Variants in CDH13 observed in about 807,000 individuals in gnomAD.
The protein encoded by CDH13 is cadherin 13.
In CDH13, 24 loss-of-function variants were observed where a neutral mutation model predicts 63.8. That is an observed-to-expected ratio of 0.38 (90% CI 0.27 to 0.53). The LOEUF is 0.53. Among genes scored for constraint, CDH13 ranks in the 20% least tolerant of loss-of-function variants. CDH13 has a pLI of 0.85. For synonymous variants in CDH13, 503 were observed against 355.3 expected (o/e 1.42, Z -4.67); for missense variants, 1,049 against 903.1 (o/e 1.16, Z -2.07).
intron 4 of CDH13, among the ~76,000 whole-genome samples, chr16:83,149,914 G>C (rs1049292222): frequency 6.6e-6 from 1 of 152,044 alleles, no homozygotes; most frequent in African/African-American, 2.4e-5. Context: ...CCAGAGAATT[G>C]GCTATTAAAC....
intron 13 of CDH13, among the ~76,000 whole-genome samples, chr16:83,792,248 A>G (rs1204847318): frequency 6.6e-6 from 1 of 152,242 alleles, no homozygotes; most frequent in Non-Finnish European, 1.5e-5. Flanking sequence ...ATGGACAATG[A>G]CAGTTGATCC....
intron 1 of CDH13, among the ~76,000 whole-genome samples, chr16:82,812,532 TGAGAA>T (rs1441006761): frequency 1.3e-5 from 2 of 151,596 alleles, no homozygotes; most frequent in African/African-American, 2.4e-5. Context: ...GGTGCTTCAG[TGAGAA>T]GAGAGGAGAG....
At chr16:83,463,817 A>C (rs2073240753) in intron 6 of CDH13, among the ~76,000 whole-genome samples, 1 of 152,132 alleles carries the variant, frequency 6.6e-6, no homozygotes, top group South Asian at 2.1e-4. Flanking sequence ...AAAAAAGCAA[A>C]GAAAGTGGCT....
intron 5 of CDH13, among the ~76,000 whole-genome samples, chr16:83,235,577 G>T (rs551277656): frequency 1.4e-5 from 1 of 69,316 alleles, no homozygotes; most frequent in African/African-American, 5.3e-5. Flanking sequence ...ATTCTATGTG[G>T]TGGTGTTTTT....
At chr16:83,226,691 G>A (rs918696984) in intron 5 of CDH13, among the ~76,000 whole-genome samples, 11 of 152,206 alleles carry the variant, frequency 7.2e-5, no homozygotes, top group Admixed American at 7.2e-4. Context: ...GACTGCAAGA[G>A]CCTTAGACCC....
chr16:83,790,630 C>T (rs1278061545), intron 13 of CDH13, among the ~76,000 whole-genome samples: 1 of 152,130 alleles, frequency 6.6e-6, no homozygotes. Flanking sequence ...GTCTCGATCT[C>T]CCGACCTCGT....
In CDH13 at chr16:82,920,642, G is replaced by A. The variant is rs990849467; in HGVS notation, c.157+62169G>A. Among the ~76,000 whole-genome samples, 83 of 152,258 alleles carry A rather than the reference G, an allele frequency of 5.5e-4. 1 individual carries two copies. Among genetic ancestry groups the A allele is most frequent in the African/African-American group, 1.8e-3 (76 of 41,564 alleles). On this transcript the variant is annotated intron_variant, in intron 2 of 13. Transcript: ENST00000567109. ...TGCAGGCCCCACTGTGGATGGTGCT[G>A]GTCAGAGACTATCAGGGGTATTAGG...
intron 1 of CDH13, among the ~76,000 whole-genome samples, chr16:82,751,919 C>A (rs933844630): frequency 2.0e-5 from 3 of 152,128 alleles, no homozygotes; most frequent in Non-Finnish European, 4.4e-5. Context: ...TGTAGGCCAG[C>A]CCCATACTTA....
chr16:83,436,770 G>A (rs901965980), intron 6 of CDH13, among the ~76,000 whole-genome samples: 2 of 152,210 alleles, frequency 1.3e-5, no homozygotes, highest in African/African-American at 4.8e-5. Flanking sequence ...GGGAGACCTT[G>A]CAGAGGTTTT....
intron 4 of CDH13, among the ~76,000 whole-genome samples, chr16:83,163,748 A>T (rs1001089324): frequency 6.6e-6 from 1 of 152,130 alleles, no homozygotes; most frequent in African/African-American, 2.4e-5. Context: ...GTCATATAGC[A>T]TAAAGCCGCC....
chr16:83,435,008 T>TAC (rs1025318658), intron 6 of CDH13, among the ~76,000 whole-genome samples: 9 of 148,170 alleles, frequency 6.1e-5, no homozygotes, highest in Non-Finnish European at 4.5e-5. Flanking sequence ...TGTATATATA[T>TAC]ACACACACAC....
intron 8 of CDH13, among the ~76,000 whole-genome samples, chr16:83,652,859 C>T (rs1242564944): frequency 6.6e-6 from 1 of 152,192 alleles, no homozygotes; most frequent in Non-Finnish European, 1.5e-5. Context: ...TGAACATTCA[C>T]AGCAGCATTA....
chr16:83,157,176 A>C (rs572245737), intron 4 of CDH13, among the ~76,000 whole-genome samples: 2 of 152,200 alleles, frequency 1.3e-5, no homozygotes, highest in Non-Finnish European at 2.9e-5. Flanking sequence ...TTCTTAGTTA[A>C]ATTACTTTTT....
chr16:82,867,721 G>A (rs531689598), intron 2 of CDH13, among the ~76,000 whole-genome samples: 2 of 152,262 alleles, frequency 1.3e-5, no homozygotes, highest in South Asian at 2.1e-4. Flanking sequence ...GCATGTGAGA[G>A]GTGTTTTGCA....
intron 2 of CDH13, among the ~76,000 whole-genome samples, chr16:82,860,756 G>A (rs2039912202): frequency 6.6e-6 from 1 of 152,146 alleles, no homozygotes; most frequent in African/African-American, 2.4e-5. Context: ...CCTAAATGAG[G>A]AAGAAAATTG....
At chr16:83,342,296 TC>T (rs1324541031) in intron 5 of CDH13, among the ~76,000 whole-genome samples, 1 of 152,216 alleles carries the variant, frequency 6.6e-6, no homozygotes, top group Non-Finnish European at 1.5e-5. Context: ...CTTGTTCATA[TC>T]TTTTTCTCTT....
intron 1 of CDH13, among the ~76,000 whole-genome samples, chr16:82,845,867 G>A (rs144915163): frequency 2.6e-5 from 4 of 152,172 alleles, no homozygotes; most frequent in African/African-American, 7.2e-5. Context: ...TCCCAGTGTA[G>A]TAACTTAAAT....
At chr16:82,995,970 G>A (rs116335908) in intron 2 of CDH13, among the ~76,000 whole-genome samples, 2,275 of 152,248 alleles carry the variant, frequency 0.015, 50 homozygotes, top group African/African-American at 0.049. Flanking sequence ...ACCATGCATC[G>A]CTGTTTGTCA....
intron 3 of CDH13, among the ~76,000 whole-genome samples, chr16:83,087,845 T>C (rs1204950401): frequency 6.6e-6 from 1 of 152,150 alleles, no homozygotes; most frequent in Non-Finnish European, 1.5e-5. Flanking sequence ...AAATGGGTCT[T>C]ATGTATGCCC....
Sources: allele counts gnomAD v4.1 joint callset (sites outside exome capture counted in the v4.1 genomes callset), GRCh38; gene constraint gnomAD v4.1.1; transcripts MANE v1.5; gene names NCBI Gene and HGNC (gene_info 2026-07-23, HGNC 2026-07-21).